Variants in ILF2 observed in about 807,000 individuals in gnomAD.
ILF2 encodes interleukin enhancer-binding factor 2.
ILF2 carries 9 observed loss-of-function variants against 55.3 expected under a neutral mutation model. The ratio of observed to expected loss-of-function variants is 0.16; its 90% confidence interval spans 0.10 to 0.28. The LOEUF is 0.28. Among genes scored for constraint, ILF2 ranks in the 10% least tolerant of loss-of-function variants. ILF2 has a pLI of 1.00. For missense variants in ILF2, 266 were observed against 474.9 expected (o/e 0.56, Z 4.09); for synonymous variants, 151 against 161.8 (o/e 0.93, Z 0.50).
At chr1:153,669,994 G>A in intron 2 of ILF2, 116 bp from the exon 3 acceptor site, 2 of 1,111,600 alleles carry the variant, frequency 1.8e-6, no homozygotes, top group South Asian at 2.5e-5. Context: ...AAAGTCTCCG[G>A]GGAGGGAAAG....
chr1:153,670,668 C>T (rs1369020003), intron 1 of ILF2, among the ~76,000 whole-genome samples: 2 of 152,062 alleles, frequency 1.3e-5, no homozygotes, highest in African/African-American at 4.8e-5. Context: ...GACACCCCCT[C>T]ATCGCAACCC....
chr1:153,670,897 C>G (rs953740333), intron 1 of ILF2, 21 bp downstream of exon 1: 2 of 1,614,120 alleles, frequency 1.2e-6, no homozygotes, highest in South Asian at 1.1e-5. Flanking sequence ...TGAAACCTTT[C>G]GACCGCTTCG....
chr1:153,662,564 A>G lies in ILF2; in HGVS notation c.1013-8T>C. On this transcript the variant is annotated splice_region_variant and splice_polypyrimidine_tract_variant and intron_variant, in intron 13 of 13. Transcript: ENST00000361891. ...ATATTTCAGAAGCAAGATCTAGGAA[A>G]GAGAAAAAGGTGATTTAGACGAGTA... 1 of 1,613,110 alleles carries G rather than the reference A, an allele frequency of 6.2e-7. No homozygotes were observed. The highest frequency in any genetic ancestry group is 1.1e-5 in the South Asian group (1 of 91,026).
chr1:153,667,952 A>G, intron 5 of ILF2, 48 bp downstream of exon 5: 1 of 1,340,900 alleles, frequency 7.5e-7, no homozygotes, highest in Non-Finnish European at 1.1e-6. Flanking sequence ...GGCAATTTCC[A>G]CACTACCAAA....
chr1:153,664,172 A>G (rs371110793), intron 9 of ILF2, 42 bp from the exon 10 acceptor site: 175 of 1,228,918 alleles, frequency 1.4e-4, no homozygotes, highest in Non-Finnish European at 2.0e-4. Context: ...CAATACGATC[A>G]TGTATTTCCA....
At chr1:153,667,321 T>C in intron 6 of ILF2, 1 of 552,630 alleles carries the variant, frequency 1.8e-6, no homozygotes, top group Non-Finnish European at 3.2e-6. Context: ...CTACAAAAAA[T>C]ACAAAAATTA....
At chr1:153,663,482 C>T (rs989230683) in intron 10 of ILF2, among the ~76,000 whole-genome samples, 1 of 152,048 alleles carries the variant, frequency 6.6e-6, no homozygotes, top group Admixed American at 6.6e-5. Flanking sequence ...GTTCAAGCCA[C>T]TACAACTGGC....
At position 153,668,080 on chromosome 1, in the gene ILF2, GAA is replaced by G; in HGVS notation, c.214-5_214-4del. ...GTCACCAGAGAAAGGATAGATGCCT[GAA>G]AAACAGTATGAAACAATACTTGAAA... On this transcript the variant is annotated splice_polypyrimidine_tract_variant and splice_region_variant and intron_variant, in intron 4 of 13. Coordinates refer to ENST00000361891, the MANE Select transcript of ILF2 (RefSeq NM_004515.4). 6 of 1,585,424 alleles carry G rather than the reference GAA, an allele frequency of 3.8e-6. No homozygotes were observed. Among genetic ancestry groups the G allele is most frequent in the South Asian group, 1.1e-5 (1 of 87,360 alleles).
At position 153,665,748 on chromosome 1, in the gene ILF2, A is replaced by G. The variant is rs201466382; in HGVS notation, c.395-20T>C. The G allele has an allele frequency of 6.3e-6, 10 of 1,575,414 alleles. No homozygotes were observed. The East Asian group carries it at 6.7e-5, about 11-fold the overall frequency. ...CTTCCACTAATTGACAGAAAATGAC[A>G]TAATGTTATAATAATTTATTTGCCT... On this transcript the variant is annotated intron_variant, in intron 6 of 13. Coordinates refer to ENST00000361891, the MANE Select transcript of ILF2 (RefSeq NM_004515.4).
chr1:153,670,894 TTTCGACCGC>T lies in ILF2; in HGVS notation c.5+15_5+23del. 1 of 1,614,114 alleles carries T rather than the reference TTTCGACCGC, an allele frequency of 6.2e-7. No individual in the cohort carries two copies. The highest frequency in any genetic ancestry group is 8.5e-7 in the Non-Finnish European group (1 of 1,179,974). On this transcript the variant is annotated intron_variant, in intron 1 of 13. Coordinates refer to ENST00000361891, the MANE Select transcript of ILF2 (RefSeq NM_004515.4). ...AGTTTTCCGTCGAATACCTGAAACCTTTCGACCGCTTCGACCCACTTACCTCATGGCGCC... is the reference window on the plus strand; with the variant it reads ...AGTTTTCCGTCGAATACCTGAAACCTTTCGACCCACTTACCTCATGGCGCC...
intron 6 of ILF2, among the ~76,000 whole-genome samples, chr1:153,666,242 G>A (rs1030147077): frequency 6.6e-6 from 1 of 151,826 alleles, no homozygotes; most frequent in Non-Finnish European, 1.5e-5. Flanking sequence ...GAAGTGCACT[G>A]GCACGATCTC....
intron 5 of ILF2, 88 bp from the exon 6 acceptor site, chr1:153,667,745 G>A (rs774135429): frequency 7.8e-6 from 7 of 896,330 alleles, no homozygotes; most frequent in African/African-American, 6.7e-5. Flanking sequence ...ACAGCTACCT[G>A]TTACCCAAAT....
Position 153,662,472 on chromosome 1 carries a change from T to C in ILF2, c.1097A>G (p.Glu366Gly). 1 of 1,613,634 alleles carries C rather than the reference T, an allele frequency of 6.2e-7. No individual in the cohort carries two copies. The highest frequency in any genetic ancestry group is 8.5e-7 in the Non-Finnish European group (1 of 1,179,540). Reference sequence around the variant, plus strand: ...TGTATTCTCCTCTTCTTCCTCTCCTTCCTTCTTCTCTGGTGGCTTCTCATA... The same window carrying C: ...TGTATTCTCCTCTTCTTCCTCTCCTCCCTTCTTCTCTGGTGGCTTCTCATA... ...KAYEKPPEKK[E>G]GEEEEENTEE... The change falls in exon 14 of 14, where the codon GAA (glutamate) becomes GGA (glycine). Residue 366 changes from glutamate (E) to glycine (G), a missense_variant. Transcript: ENST00000361891.
chr1:153,664,845 A>AC (rs1414497131), intron 8 of ILF2, among the ~76,000 whole-genome samples: 1 of 152,230 alleles, frequency 6.6e-6, no homozygotes. Context: ...GGCGTGAGCC[A>AC]CCGCACCCGA....
At chr1:153,666,431 G>A (rs1307356548) in intron 6 of ILF2, among the ~76,000 whole-genome samples, 1 of 152,166 alleles carries the variant, frequency 6.6e-6, no homozygotes, top group East Asian at 1.9e-4. Flanking sequence ...CTCCCTAAGT[G>A]TTGGGATTAC....
intron 6 of ILF2, among the ~76,000 whole-genome samples, chr1:153,666,659 A>T (rs541280270): frequency 6.6e-6 from 1 of 152,256 alleles, no homozygotes; most frequent in African/African-American, 2.4e-5. Flanking sequence ...CCCTTTTTTG[A>T]TGCCAGTAGC....
intron 1 of ILF2, among the ~76,000 whole-genome samples, chr1:153,670,549 G>A (rs554493501): frequency 1.1e-4 from 17 of 152,320 alleles, no homozygotes; most frequent in Admixed American, 1.0e-3. Context: ...TATCGGGCGT[G>A]TCCTAATGTC....
At chr1:153,667,795 C>A in intron 5 of ILF2, 138 bp from the exon 6 acceptor site, 1 of 699,020 alleles carries the variant, frequency 1.4e-6, no homozygotes, top group South Asian at 1.8e-5. Flanking sequence ...AAAACCACCA[C>A]ATGAAAGCCT....
At chr1:153,666,780 T>G (rs1030411702) in intron 6 of ILF2, among the ~76,000 whole-genome samples, 1 of 152,202 alleles carries the variant, frequency 6.6e-6, no homozygotes, top group South Asian at 2.1e-4. Flanking sequence ...TGCTATACAT[T>G]CTTTCAGACA....
Sources: allele counts gnomAD v4.1 joint callset (sites outside exome capture counted in the v4.1 genomes callset), GRCh38; gene constraint gnomAD v4.1.1; transcripts MANE v1.5; gene names NCBI Gene and HGNC (gene_info 2026-07-23, HGNC 2026-07-21).